The following GNG12 variants were observed in gnomAD, a reference collection of about 807,000 sequenced individuals.
The protein encoded by GNG12 is G protein subunit gamma 12.
For synonymous variants in GNG12, 28 were observed against 29.7 expected (o/e 0.94, Z 0.19); for missense variants, 69 against 83.8 (o/e 0.82, Z 0.69).
chr1:67,765,238 G>A (rs143969618), intron 2 of GNG12, among the ~76,000 whole-genome samples: 1 of 152,208 alleles, frequency 6.6e-6, no homozygotes, highest in East Asian at 1.9e-4. Context: ...GCTGATGCAC[G>A]AGTAACGATC....
At chr1:67,792,952 C>G (rs909697812) in intron 1 of GNG12, among the ~76,000 whole-genome samples, 1 of 152,254 alleles carries the variant, frequency 6.6e-6, no homozygotes, top group Non-Finnish European at 1.5e-5. Flanking sequence ...ACTCAGTGGA[C>G]AGAGTTAGCT....
At chr1:67,794,503 C>T (rs1646818718) in intron 1 of GNG12, among the ~76,000 whole-genome samples, 1 of 152,164 alleles carries the variant, frequency 6.6e-6, no homozygotes, top group Non-Finnish European at 1.5e-5. Flanking sequence ...ATTTAAAAAA[C>T]TTAATACAAT....
At chr1:67,760,304 C>T (rs1460961688) in intron 2 of GNG12, among the ~76,000 whole-genome samples, 3 of 152,198 alleles carry the variant, frequency 2.0e-5, no homozygotes, top group African/African-American at 7.2e-5. Context: ...ACTCAGCCAA[C>T]TCATCCAGAG....
intron 2 of GNG12, chr1:67,777,245 G>C (rs1646711146): frequency 6.6e-6 from 1 of 152,206 alleles, no homozygotes; most frequent in African/African-American, 2.4e-5. Context: ...TGTAATCATG[G>C]ATCTTTATCC....
chr1:67,785,669 G>A (rs952727516), intron 1 of GNG12, among the ~76,000 whole-genome samples: 1 of 152,124 alleles, frequency 6.6e-6, no homozygotes, highest in African/African-American at 2.4e-5. Flanking sequence ...ATTAAAATAA[G>A]AGCATTAAAG....
At chr1:67,774,608 T>A (rs1338846497) in intron 2 of GNG12, among the ~76,000 whole-genome samples, 1 of 152,160 alleles carries the variant, frequency 6.6e-6, no homozygotes, top group African/African-American at 2.4e-5. Flanking sequence ...TCACCTTCCC[T>A]ACGCTCCATT....
Position 67,786,963 on chromosome 1 carries a change from G to A in GNG12, c.-76-9456C>T, listed in dbSNP as rs1283180898. On this transcript the variant is annotated intron_variant, in intron 1 of 3. Coordinates refer to ENST00000370982, the MANE Select transcript of GNG12 (RefSeq NM_018841.6). ...TGTGTGTGTGTGTGTGTGTGTGTGTGTGTGTGTGTGTGTGTGTGTGTGTAT... is the reference window on the plus strand; with the variant it reads ...TGTGTGTGTGTGTGTGTGTGTGTGTATGTGTGTGTGTGTGTGTGTGTGTAT... Among the ~76,000 whole-genome samples, 168 of 149,314 alleles carry A rather than the reference G, an allele frequency of 1.1e-3. 1 individual carries two copies. Among genetic ancestry groups the A allele is most frequent in the African/African-American group, 2.4e-3 (95 of 40,200 alleles).
At chr1:67,780,845 T>A (rs144309461) in intron 1 of GNG12, among the ~76,000 whole-genome samples, 1 of 152,258 alleles carries the variant, frequency 6.6e-6, no homozygotes, top group East Asian at 1.9e-4. Context: ...AACTAAGTAA[T>A]AACATGCTTA....
intron 2 of GNG12, among the ~76,000 whole-genome samples, chr1:67,749,929 C>G (rs948889456): frequency 6.6e-6 from 1 of 152,198 alleles, no homozygotes; most frequent in Non-Finnish European, 1.5e-5. Flanking sequence ...ACTGTCCCAT[C>G]TACAGACTCT....
intron 1 of GNG12, among the ~76,000 whole-genome samples, chr1:67,781,819 A>C (rs141134791): frequency 1.2e-3 from 186 of 152,304 alleles, no homozygotes; most frequent in African/African-American, 4.4e-3. Flanking sequence ...TCATTTACTC[A>C]GGGAGAAAAC....
chr1:67,771,037 C>G (rs1015413362), intron 2 of GNG12, among the ~76,000 whole-genome samples: 1 of 152,096 alleles, frequency 6.6e-6, no homozygotes, highest in Non-Finnish European at 1.5e-5. Flanking sequence ...GAGAGGCAGG[C>G]TGACTTCAAG....
At chr1:67,761,721 AG>A (rs2100740261) in intron 2 of GNG12, among the ~76,000 whole-genome samples, 1 of 152,206 alleles carries the variant, frequency 6.6e-6, no homozygotes, top group African/African-American at 2.4e-5. Context: ...CTCTCCAACG[AG>A]GTATTCCCGT....
At chr1:67,812,773 C>T (rs1233014573) in intron 1 of GNG12, among the ~76,000 whole-genome samples, 1 of 152,180 alleles carries the variant, frequency 6.6e-6, no homozygotes, top group East Asian at 1.9e-4. Flanking sequence ...AATTTAACTC[C>T]TAAGTTACAG....
intron 2 of GNG12, among the ~76,000 whole-genome samples, chr1:67,743,263 T>C (rs557986): frequency 0.87 from 132,476 of 152,190 alleles, 58,081 homozygotes; most frequent in African/African-American, 0.95. Context: ...GAAATCTCAG[T>C]GTCAAGATTT....
chr1:67,827,137 G>A (rs1291386716), intron 1 of GNG12, among the ~76,000 whole-genome samples: 1 of 152,182 alleles, frequency 6.6e-6, no homozygotes, highest in African/African-American at 2.4e-5. Flanking sequence ...GTGTGATCAC[G>A]CAAACTCAAG....
intron 1 of GNG12, among the ~76,000 whole-genome samples, chr1:67,792,975 T>C (rs1333809051): frequency 6.6e-6 from 1 of 152,174 alleles, no homozygotes; most frequent in African/African-American, 2.4e-5. Context: ...CAGGGGACAG[T>C]CGTTCTCCCA....
At chr1:67,728,827 C>T (rs1490318005) in intron 2 of GNG12, among the ~76,000 whole-genome samples, 1 of 152,108 alleles carries the variant, frequency 6.6e-6, no homozygotes, top group Non-Finnish European at 1.5e-5. Flanking sequence ...ACACAGAAAC[C>T]CCTCCTTTAG....
chr1:67,829,001 AT>A (rs550375244), intron 1 of GNG12, among the ~76,000 whole-genome samples: 1 of 152,006 alleles, frequency 6.6e-6, no homozygotes, highest in Non-Finnish European at 1.5e-5. Flanking sequence ...TATTACGCAA[AT>A]TTTTTTTAGT....
intron 2 of GNG12, among the ~76,000 whole-genome samples, chr1:67,775,839 G>A (rs1191440119): frequency 6.6e-6 from 1 of 152,230 alleles, no homozygotes; most frequent in Non-Finnish European, 1.5e-5. Flanking sequence ...GAAAATTCCA[G>A]TAGGTCTTGC....
Sources: gnomAD v4.1 joint callset for allele counts (sites outside exome capture counted in the v4.1 genomes callset) on GRCh38, gnomAD v4.1.1 for gene constraint, MANE v1.5 for transcripts, NCBI Gene and HGNC (gene_info 2026-07-23, HGNC 2026-07-21) for gene names.